TSPAN33: variants seen among roughly 807,000 people sequenced by gnomAD.
TSPAN33 encodes the protein tetraspanin 33.
TSPAN33 carries 27 observed loss-of-function variants against 34.8 expected under a neutral mutation model. The ratio of observed to expected loss-of-function variants is 0.78; its 90% CI spans 0.57 to 1.07. The LOEUF is 1.07. Ranked by LOEUF, TSPAN33 falls within the 50% of genes least tolerant of loss-of-function variation. The pLI is 0.00. For missense variants in TSPAN33, 272 were observed against 324.9 expected, an observed-to-expected ratio of 0.84 and a Z score of 1.25; for synonymous variants, 119 against 124.2, an observed-to-expected ratio of 0.96 and a Z score of 0.28.
At chr7:129,161,553 G>A in intron 1 of TSPAN33, 126 bp from the exon 2 acceptor site, 1 of 827,316 alleles carries the variant, frequency 1.2e-6, no homozygotes, top group Non-Finnish European at 2.0e-6. Flanking sequence ...CACTGGGGAG[G>A]TGAAAGATGC....
intron 1 of TSPAN33, among the ~76,000 whole-genome samples, chr7:129,155,345 G>A (rs1327777642): frequency 1.3e-5 from 2 of 152,124 alleles, no homozygotes; most frequent in Admixed American, 6.5e-5. Flanking sequence ...GCACAGTAGG[G>A]TGACTATAGT....
chr7:129,164,795 G>C (rs1481656960), intron 5 of TSPAN33: 2 of 460,918 alleles, frequency 4.3e-6, no homozygotes, highest in African/African-American at 2.0e-5. Context: ...TACCTACAGG[G>C]GGTGAGGAAC....
chr7:129,159,113 T>G (rs1010519318), intron 1 of TSPAN33, among the ~76,000 whole-genome samples: 1 of 151,604 alleles, frequency 6.6e-6, no homozygotes, highest in Admixed American at 6.6e-5. Context: ...CAGGCTGGAG[T>G]GCAGTGGCAT....
At chr7:129,146,603 C>T (rs1481695022) in intron 1 of TSPAN33, among the ~76,000 whole-genome samples, 4 of 152,132 alleles carry the variant, frequency 2.6e-5, no homozygotes, top group African/African-American at 9.7e-5. Flanking sequence ...AGTAGTTAAC[C>T]AGTCAACCCA....
intron 3 of TSPAN33, 114 bp downstream of exon 3, chr7:129,162,635 C>T (rs1320376470): frequency 1.6e-5 from 25 of 1,532,278 alleles, no homozygotes; most frequent in Non-Finnish European, 2.1e-5. Context: ...CTGTGCTGTC[C>T]ACCCCTCAGT....
chr7:129,165,442 T>G lies in TSPAN33; in HGVS notation c.459+873T>G, dbSNP rs1793123931. Among the ~76,000 whole-genome samples, 1 of 152,252 alleles carries G rather than the reference T, an allele frequency of 6.6e-6. No homozygotes were observed. Among genetic ancestry groups the G allele is most frequent in the Non-Finnish European group, 1.5e-5 (1 of 68,044 alleles). On this transcript the variant is annotated intron_variant, in intron 5 of 7. Coordinates refer to ENST00000486685, the MANE Select transcript of TSPAN33 (RefSeq NM_178562.5). The surrounding 1 kb of genome is among the most constrained non-coding windows in gnomAD (Gnocchi z 4.5). ...TTTGAGTGGGTTATTTCACTTAGCA[T>G]GTCTTCAAGTTTCATCTCTGTTTTG...
At chr7:129,157,958 C>A (rs962416978) in intron 1 of TSPAN33, among the ~76,000 whole-genome samples, 3 of 152,202 alleles carry the variant, frequency 2.0e-5, no homozygotes, top group Non-Finnish European at 4.4e-5. Flanking sequence ...ACAGGTTTCA[C>A]CGGGCTAAAA....
intron 3 of TSPAN33, 106 bp from the exon 4 acceptor site, chr7:129,162,727 G>A: frequency 6.9e-7 from 1 of 1,440,666 alleles, no homozygotes; most frequent in Admixed American, 1.8e-5. Context: ...TCTCATGTGT[G>A]GGGCATCTGG....
In TSPAN33 at chr7:129,144,944, GA is replaced by G; in HGVS notation, c.-34del. 2 of 531,870 alleles carry G rather than the reference GA, an allele frequency of 3.8e-6. No homozygotes were observed. Among genetic ancestry groups the G allele is most frequent in the South Asian group, 2.2e-5 (1 of 46,058 alleles). 32.9% of individuals were successfully genotyped at this position (531,870 alleles called of 1,614,324 possible). ...ACACAGGCCGGCCGGCAGCCGCTGG[GA>G]AATAGGCCCCCGGGGGCGGTGGCGG... On this transcript the variant is annotated 5_prime_UTR_variant, in exon 1 of 8. The change abolishes the stop of an existing upstream ORF in the 5' untranslated region. Transcript: ENST00000486685.
chr7:129,147,663 C>T (rs551580254), intron 1 of TSPAN33, among the ~76,000 whole-genome samples: 2 of 152,320 alleles, frequency 1.3e-5, no homozygotes, highest in East Asian at 3.9e-4. Flanking sequence ...AGCCCACACC[C>T]TTTGCAGGCA....
rs907094818 is a variant in TSPAN33 at position 129,167,005 on chromosome 7, C to T, written c.588+99C>T. 28 of 1,417,702 alleles carry T rather than the reference C, an allele frequency of 2.0e-5. No homozygotes were observed. Among genetic ancestry groups the T allele is most frequent in the South Asian group, 2.6e-5 (2 of 75,846 alleles). 87.8% of individuals were successfully genotyped at this position (1,417,702 alleles called of 1,614,324 possible). A position where few individuals can be genotyped will look rare whatever the true frequency, so the allele number is the denominator to read the frequency against. On this transcript the variant is annotated intron_variant, in intron 6 of 7. Coordinates refer to ENST00000486685, the MANE Select transcript of TSPAN33 (RefSeq NM_178562.5). The surrounding 1 kb of genome is among the most constrained non-coding windows in gnomAD (Gnocchi z 4.6). ...GGGGATCCCCATCCCCTAGCTTCAC[C>T]GATCAGTCATGTGGGACAGCTGTCA... is the stretch of plus-strand genomic sequence containing the variant.
chr7:129,161,099 G>A (rs899887903), intron 1 of TSPAN33, among the ~76,000 whole-genome samples: 1 of 152,150 alleles, frequency 6.6e-6, no homozygotes, highest in African/African-American at 2.4e-5. Flanking sequence ...TTAGAGACGG[G>A]GCCTCACTCT....
chr7:129,158,421 CTTTTA>C (rs1037709735), intron 1 of TSPAN33, among the ~76,000 whole-genome samples: 104 of 152,182 alleles, frequency 6.8e-4, no homozygotes, highest in African/African-American at 2.4e-3. Context: ...ATTTTTTCAA[CTTTTA>C]TTTTAGGTTC....
chr7:129,146,954 G>A (rs1397559477), intron 1 of TSPAN33, among the ~76,000 whole-genome samples: 2 of 150,418 alleles, frequency 1.3e-5, no homozygotes, highest in Non-Finnish European at 3.0e-5. Flanking sequence ...TTTTTTTCTC[G>A]AGCTTCCCTA....
At position 129,168,000 on chromosome 7, in the gene TSPAN33, A is replaced by C; in HGVS notation, c.*126A>C. 1.4e-6 allele frequency: 2 copies of C among 1,476,280 alleles called. No homozygotes were observed. The highest frequency in any genetic ancestry group is 2.3e-5 in the Admixed American group (1 of 44,112). 91.4% of individuals were successfully genotyped at this position (1,476,280 alleles called of 1,614,324 possible). On this transcript the variant is annotated 3_prime_UTR_variant, in exon 8 of 8. Coordinates refer to ENST00000486685, the MANE Select transcript of TSPAN33 (RefSeq NM_178562.5). This position sits in a 1 kb window ranked among gnomAD's most constrained non-coding sequence, Gnocchi z 4.6. ...CCCCCAGTGACAGCCCAGTGGGAAG[A>C]AGCAAACTCCAGATGGGCAGAAGGC...
rs1793130860 is a variant in TSPAN33, at chr7:129,165,840, T to G, written c.460-938T>G. ...TGCGAGAATAGCTTGAATTTGGGAG[T>G]TGGAGGTTGCAGTGAGCCAAGATCA... On this transcript the variant is annotated intron_variant, in intron 5 of 7. Coordinates refer to ENST00000486685, the MANE Select transcript of TSPAN33 (RefSeq NM_178562.5). This position sits in a 1 kb window ranked among gnomAD's most constrained non-coding sequence, Gnocchi z 4.5. Among the ~76,000 whole-genome samples, 1 of 151,930 alleles carries G rather than the reference T, an allele frequency of 6.6e-6. No homozygotes were observed. Among genetic ancestry groups the G allele is most frequent in the African/African-American group, 2.4e-5 (1 of 41,368 alleles).
intron 1 of TSPAN33, among the ~76,000 whole-genome samples, chr7:129,159,210 G>A (rs1793015090): frequency 1.3e-5 from 2 of 151,936 alleles, no homozygotes; most frequent in Non-Finnish European, 2.9e-5. Context: ...ACAAGTGTGT[G>A]CCACCATGTC....
At chr7:129,147,891 G>C (rs1428922005) in intron 1 of TSPAN33, among the ~76,000 whole-genome samples, 1 of 152,202 alleles carries the variant, frequency 6.6e-6, no homozygotes, top group Non-Finnish European at 1.5e-5. Context: ...ACTGGGACCA[G>C]TTCCTACTGT....
rs10248653 is a variant in TSPAN33, at chr7:129,166,187, T to A, written c.460-591T>A. On this transcript the variant is annotated intron_variant, in intron 5 of 7. Coordinates refer to ENST00000486685, the MANE Select transcript of TSPAN33 (RefSeq NM_178562.5). ...ACTCCTGACCTCAGGTGATCTGCCC[T>A]CCTCGGCCTCCCAAAGTGCTGGGAT... 1.5e-3 allele frequency among the ~76,000 whole-genome samples: 226 copies of A among 152,208 alleles called. 3 individuals carry two copies. Among genetic ancestry groups the A allele is most frequent in the Admixed American group, 0.014 (216 of 15,282 alleles).
Sources: allele counts gnomAD v4.1 joint callset (sites outside exome capture counted in the v4.1 genomes callset), GRCh38; gene constraint gnomAD v4.1.1; non-coding constraint Gnocchi (gnomAD v3.1); transcripts MANE v1.5; gene names NCBI Gene and HGNC (gene_info 2026-07-23, HGNC 2026-07-21).